Variants in A2M observed in about 807,000 individuals in gnomAD.
A2M encodes C3 and PZP-like alpha-2-macroglobulin domain-containing protein 5.
In A2M, 128 loss-of-function variants were observed where a neutral mutation model predicts 183.9. That is an observed-to-expected ratio of 0.70 (90% CI 0.60 to 0.81). The LOEUF is 0.81. Among genes scored for constraint, A2M ranks in the 30% least tolerant of loss-of-function variants. The pLI is 0.00. For missense variants in A2M, 1,495 were observed against 1,787.6 expected, an observed-to-expected ratio of 0.84 and a Z score of 2.95; for synonymous variants, 592 against 670.8, an observed-to-expected ratio of 0.88 and a Z score of 1.81.
chr12:9,096,076 G>T (rs1949373419), intron 15 of A2M, among the ~76,000 whole-genome samples: 2 of 152,124 alleles, frequency 1.3e-5, no homozygotes, highest in Admixed American at 1.3e-4. Flanking sequence ...CATTTTTTAA[G>T]TTCAAGGAGA....
chr12:9,074,928 A>G, intron 28 of A2M, 145 bp from the exon 29 acceptor site: 1 of 942,778 alleles, frequency 1.1e-6, no homozygotes, highest in African/African-American at 1.7e-5. Context: ...CCTTCATGTA[A>G]ATCTGAATTT....
rs746354715 is a variant in A2M, at chr12:9,111,678, A to T, written c.483+481T>A. On this transcript the variant is annotated intron_variant, in intron 4 of 35. Transcript: ENST00000318602. ...GTGAAGAAGTTAATTTGGGAGAGAAAAATGAAGACTTTGGGTTGATGTCTG... is the reference window on the plus strand; with the variant it reads ...GTGAAGAAGTTAATTTGGGAGAGAATAATGAAGACTTTGGGTTGATGTCTG... The T allele has an allele frequency of 5.7e-4, 220 of 383,840 alleles. 1 individual carries two copies. The highest frequency in any genetic ancestry group is 2.3e-3 in the Admixed American group (67 of 29,106). The allele number at this position is 383,840 out of a possible 1,614,324, so 23.8% of individuals were successfully genotyped here. A position where few individuals can be genotyped will look rare whatever the true frequency, so the allele number is the denominator to read the frequency against.
chr12:9,115,939 T>A, upstream of A2M: 1 of 1,041,952 alleles, frequency 9.6e-7, no homozygotes, highest in South Asian at 1.3e-5. Flanking sequence ...CCAAAGCAAC[T>A]GGGCTTTATG....
At chr12:9,114,817 A>G (rs1939002144) in intron 1 of A2M, among the ~76,000 whole-genome samples, 1 of 152,174 alleles carries the variant, frequency 6.6e-6, no homozygotes, top group Non-Finnish European at 1.5e-5. Flanking sequence ...AAATTTATAA[A>G]TATTAAACAT....
At chr12:9,095,375 C>T (rs1191989973) in intron 16 of A2M, among the ~76,000 whole-genome samples, 164 bp downstream of exon 16, 3 of 152,188 alleles carry the variant, frequency 2.0e-5, no homozygotes, top group Non-Finnish European at 4.4e-5. Flanking sequence ...CAGCTTAGTT[C>T]AGCAGCTTTT....
chr12:9,099,280 T>G, intron 14 of A2M, 101 bp downstream of exon 14: 1 of 1,133,856 alleles, frequency 8.8e-7, no homozygotes, highest in Admixed American at 2.1e-5. Context: ...GGGGAATTTG[T>G]TTAACCCTTT....
At chr12:9,079,464 C>A in intron 24 of A2M, 133 bp from the exon 25 acceptor site, 1 of 1,135,764 alleles carries the variant, frequency 8.8e-7, no homozygotes, top group South Asian at 1.5e-5. Flanking sequence ...AGTTTCTGAG[C>A]CTTAAATATT....
chr12:9,093,679 C>T (rs767250108), intron 17 of A2M, 100 bp from the exon 18 acceptor site: 2 of 660,544 alleles, frequency 3.0e-6, no homozygotes, highest in Non-Finnish European at 4.7e-6. Context: ...AAAAACAAAT[C>T]GTCTGATGAA....
chr12:9,089,810 T>C, intron 21 of A2M, 92 bp downstream of exon 21: 1 of 900,918 alleles, frequency 1.1e-6, no homozygotes, highest in Non-Finnish European at 1.5e-6. Context: ...GAGAGATACA[T>C]GAGAATAATA....
rs1211762376 is a variant in A2M, at chr12:9,076,903, C to T, written c.3385G>A (p.Glu1129Lys). The change falls in exon 28 of 36, where the codon GAG becomes AAG. Residue 1129 changes from glutamate (E) to lysine (K), a missense_variant. Coordinates refer to ENST00000318602, the MANE Select transcript of A2M (RefSeq NM_000014.6). ...TCTTGTGCTGTCTTCCAGGCTGACT[C>T]CAGGCAAAACAGGGCATTGCGGACA... ...PVVRNALFCL[E>K]SAWKTAQEGD... The T allele has an allele frequency of 6.8e-6, 11 of 1,607,430 alleles. No individual in the cohort carries two copies. Among genetic ancestry groups the T allele is most frequent in the Non-Finnish European group, 9.4e-6 (11 of 1,176,408 alleles).
intron 15 of A2M, among the ~76,000 whole-genome samples, chr12:9,097,670 A>G (rs1486752581): frequency 7.9e-6 from 1 of 126,330 alleles, no homozygotes. Flanking sequence ...GTCTTGCTCT[A>G]TTGCCCAGGC....
intron 4 of A2M, chr12:9,111,850 TAGG>T: frequency 2.4e-6 from 1 of 408,646 alleles, no homozygotes; most frequent in Middle Eastern, 5.8e-4. Flanking sequence ...TTTTTGAGCT[TAGG>T]TTCTTTGAGG....
rs780559648 is a variant in A2M, at chr12:9,099,467, G to A, written c.1615C>T (p.Arg539Trp). Residue 539 changes from arginine (R) to tryptophan (W), a missense_variant, in exon 14 of 36, where the codon CGG becomes TGG. Transcript: ENST00000318602. ...PVKSDIAPVA[R>W]LLIYAVLPTG... ...GGTAAAACAGCATAGATGAGCAACCGAGCGACAGGAGCAATGTCTGACTTC... is the reference window on the plus strand; with the variant it reads ...GGTAAAACAGCATAGATGAGCAACCAAGCGACAGGAGCAATGTCTGACTTC... 1.8e-5 allele frequency: 29 copies of A among 1,608,694 alleles called. No individual in the cohort carries two copies. The highest frequency in any genetic ancestry group is 1.6e-4 in the Middle Eastern group (1 of 6,082).
Position 9,091,410 on chromosome 12 carries a change from C to T in A2M, c.2260G>A (p.Val754Ile). Residue 754 changes from valine (V) to isoleucine (I), a missense_variant, in exon 19 of 36, where the codon GTA becomes ATA. By Grantham distance (29) the Val-to-Ile change is conservative. Coordinates refer to ENST00000318602, the MANE Select transcript of A2M (RefSeq NM_000014.6). Reference sequence around the variant, plus strand: ...ATGGTGTCAGGGACTGTTACTCCTACCTCAGCCACACCTGCTGAGCTGGAG... The same window carrying T: ...ATGGTGTCAGGGACTGTTACTCCTATCTCAGCCACACCTGCTGAGCTGGAG... The part of the protein sequence containing the change: ...VVVNSAGVAE[V>I]GVTVPDTITE... 1 of 1,614,158 alleles carries T rather than the reference C, an allele frequency of 6.2e-7. No homozygotes were observed. Among genetic ancestry groups the T allele is most frequent in the Non-Finnish European group, 8.5e-7 (1 of 1,180,030 alleles).
Position 9,079,247 on chromosome 12 carries a change from G to T in A2M, c.3116C>A (p.Thr1039Asn), listed in dbSNP as rs981272551. 6.2e-7 allele frequency: 1 copy of T among 1,613,112 alleles called. No individual in the cohort carries two copies. Among genetic ancestry groups the T allele is most frequent in the African/African-American group, 1.3e-5 (1 of 74,822 alleles). The change falls in exon 25 of 36, where the codon ACC becomes AAC. Residue 1039 changes from threonine to asparagine, a missense_variant. Physicochemically the swap from Thr to Asn is moderately conservative, Grantham distance 65. Coordinates refer to ENST00000318602, the MANE Select transcript of A2M (RefSeq NM_000014.6). ...GERYGRNQGN[T>N]WLTAFVLKTF... The stretch of plus-strand genomic sequence containing the variant: ...CAAAAAATTGTTCTTTCCTTACCAG[G>T]TGTTGCCCTGGTTCCTGCCATATCG...
chr12:9,090,057 C>T, intron 20 of A2M, 34 bp from the exon 21 acceptor site: 2 of 1,571,744 alleles, frequency 1.3e-6, no homozygotes, highest in Non-Finnish European at 1.7e-6. Flanking sequence ...TGAATAGCAT[C>T]TTCCCCTTCC....
Position 9,090,041 on chromosome 12 carries a change from T to C in A2M, c.2597-18A>G. On this transcript the variant is annotated intron_variant, in intron 20 of 35. Coordinates refer to ENST00000318602, the MANE Select transcript of A2M (RefSeq NM_000014.6). Reference sequence around the variant, plus strand: ...CACATTTCCTGAAAAAAAAGGCCAGTAGAAATGAATAGCATCTTCCCCTTC... The same window carrying C: ...CACATTTCCTGAAAAAAAAGGCCAGCAGAAATGAATAGCATCTTCCCCTTC... The C allele has an allele frequency of 6.3e-7, 1 of 1,579,144 alleles. No homozygotes were observed. Among genetic ancestry groups the C allele is most frequent in the Non-Finnish European group, 8.7e-7 (1 of 1,154,790 alleles).
chr12:9,077,867 G>A lies in A2M; in HGVS notation c.3120-10C>T. 6.2e-7 allele frequency: 1 copy of A among 1,614,104 alleles called. No homozygotes were observed. On this transcript the variant is annotated splice_polypyrimidine_tract_variant and intron_variant, in intron 25 of 35. Transcript: ENST00000318602. ...AACAAAGGCTGTGAGCCTGACCAGG[G>A]AGGAAGCAATCATGATGTTTATGTT...
chr12:9,093,333 A>G (rs762397734), intron 18 of A2M, 132 bp downstream of exon 18: 33 of 563,366 alleles, frequency 5.9e-5, no homozygotes, highest in Non-Finnish European at 1.0e-4. Flanking sequence ...GTGTATGTGT[A>G]TATATATATA....
Sources: gnomAD v4.1 joint callset for allele counts (sites outside exome capture counted in the v4.1 genomes callset) on GRCh38, gnomAD v4.1.1 for gene constraint, MANE v1.5 for transcripts, NCBI Gene and HGNC (gene_info 2026-07-23, HGNC 2026-07-21) for gene names.